Variants in CEP128 observed in about 807,000 individuals in gnomAD.
CEP128 encodes centrosomal protein 128, also known as centrosomal protein 128kDa.
CEP128 carries 132 observed loss-of-function variants against 156.7 expected under a neutral mutation model. The ratio of observed to expected loss-of-function variants is 0.84; its 90% CI spans 0.73 to 0.97. CEP128 has a LOEUF of 0.97. Among genes scored for constraint, CEP128 ranks in the 50% least tolerant of loss-of-function variants. The pLI, the probability that CEP128 is intolerant of heterozygous loss-of-function variation, is 0.00. For synonymous variants in CEP128, 469 were observed against 448.9 expected (o/e 1.04, Z -0.57); for missense variants, 1,252 against 1,281.9 (o/e 0.98, Z 0.36).
chr14:80,730,122 A>AT (rs1898207808), intron 19 of CEP128, among the ~76,000 whole-genome samples: 1 of 152,180 alleles, frequency 6.6e-6, no homozygotes, highest in Admixed American at 6.5e-5. Flanking sequence ...TGAGCTTACA[A>AT]TTGCACCTTA....
At position 80,838,253 on chromosome 14, in the gene CEP128, CGA is replaced by C. The variant is rs756433332; in HGVS notation, c.873_874del (p.Arg292LysfsTer30). 6.2e-7 allele frequency: 1 copy of C among 1,613,322 alleles called. No individual in the cohort carries two copies. Among genetic ancestry groups the C allele is most frequent in the Admixed American group, 1.7e-5 (1 of 59,998 alleles). ...GCCTTCTGATTGATTCAATAACCTT[CGA>C]GATAGCTCCAATTCCTGTTCAAGCT... On this transcript the variant is annotated frameshift_variant, in exon 11 of 25. Transcript: ENST00000555265. LOFTEE classifies it high-confidence loss of function.
In CEP128 at chr14:80,736,515, C is replaced by A. The variant is rs549783269; in HGVS notation, c.2806+6560G>T. On this transcript the variant is annotated intron_variant, in intron 19 of 24. Coordinates refer to ENST00000555265, the MANE Select transcript of CEP128 (RefSeq NM_152446.5). Reference sequence around the variant, plus strand: ...TCCAGAATATATTTCAGAATACACACACATACACACACACACACACACTGT... The same window carrying A: ...TCCAGAATATATTTCAGAATACACAAACATACACACACACACACACACTGT... Among the ~76,000 whole-genome samples the A allele has an allele frequency of 4.0e-5, 6 of 151,274 alleles. No homozygotes were observed. In the South Asian group the frequency reaches 1.3e-3, roughly 34 times the overall value.
At chr14:80,481,455 T>C (rs1273369319) in intron 14 of CEP128, among the ~76,000 whole-genome samples, 1 of 152,180 alleles carries the variant, frequency 6.6e-6, no homozygotes, top group Non-Finnish European at 1.5e-5. Flanking sequence ...AAGATTTCAG[T>C]GGGGACACAG....
intron 19 of CEP128, among the ~76,000 whole-genome samples, chr14:80,702,453 C>T (rs948373266): frequency 6.6e-6 from 1 of 152,162 alleles, no homozygotes; most frequent in Non-Finnish European, 1.5e-5. Flanking sequence ...TTCCCAGTTT[C>T]CCAGTTCAGG....
chr14:80,795,827 A>G (rs1002831287), intron 13 of CEP128, among the ~76,000 whole-genome samples: 1 of 152,214 alleles, frequency 6.6e-6, no homozygotes, highest in Non-Finnish European at 1.5e-5. Flanking sequence ...ACCAATGGTC[A>G]GTTTCTTCTC....
intron 16 of CEP128, among the ~76,000 whole-genome samples, chr14:80,768,632 C>T (rs542085238): frequency 1.2e-4 from 18 of 152,156 alleles, no homozygotes; most frequent in Non-Finnish European, 1.6e-4. Flanking sequence ...AATAGAAAAA[C>T]GGGATGGCAT....
Position 80,792,300 on chromosome 14 carries a change from C to G in CEP128, c.1560+460G>C, listed in dbSNP as rs114272589. Among the ~76,000 whole-genome samples, 930 of 152,342 alleles carry G rather than the reference C, an allele frequency of 6.1e-3. 19 individuals carry two copies. Among genetic ancestry groups the G allele is most frequent in the African/African-American group, 0.022 (894 of 41,578 alleles). On this transcript the variant is annotated intron_variant, in intron 14 of 24. Coordinates refer to ENST00000555265, the MANE Select transcript of CEP128 (RefSeq NM_152446.5). ...CATTTAAGTAAGCCCATCACAGTTG[C>G]TGCCAGTAAATGGCCCTAGTAACTA...
intron 16 of CEP128, among the ~76,000 whole-genome samples, chr14:80,764,696 T>C (rs1195128735): frequency 6.6e-6 from 1 of 152,130 alleles, no homozygotes; most frequent in African/African-American, 2.4e-5. Context: ...TTTTTGACAG[T>C]TGAGTCATCC....
At chr14:80,885,307 C>T (rs1032311316) in intron 8 of CEP128, among the ~76,000 whole-genome samples, 1 of 152,204 alleles carries the variant, frequency 6.6e-6, no homozygotes, top group East Asian at 1.9e-4. Flanking sequence ...CAAGTGGATG[C>T]CTGACCCCCG....
At position 80,496,518 on chromosome 14, in the gene CEP128, G is replaced by C. The variant is rs1457983446; in HGVS notation, c.*961C>G. 6.6e-6 allele frequency: 1 copy of C among 152,584 alleles called. No homozygotes were observed. Among genetic ancestry groups the C allele is most frequent in the African/African-American group, 2.4e-5 (1 of 41,436 alleles). 9.5% of individuals were successfully genotyped at this position (152,584 alleles called of 1,614,324 possible). On this transcript the variant is annotated 3_prime_UTR_variant, in exon 25 of 25. Coordinates refer to ENST00000555265, the MANE Select transcript of CEP128 (RefSeq NM_152446.5). ...GTATTGCTTTATTGCCCTTGTCTAT[G>C]CAGAATCCATGACCCAATAGGATTC...
intron 13 of CEP128, among the ~76,000 whole-genome samples, chr14:80,800,547 T>C (rs1427444491): frequency 6.6e-6 from 1 of 152,194 alleles, no homozygotes; most frequent in African/African-American, 2.4e-5. Context: ...TTCACTATGA[T>C]AATGATTTGG....
intron 19 of CEP128, among the ~76,000 whole-genome samples, chr14:80,630,638 G>A (rs539656132): frequency 6.6e-6 from 1 of 152,030 alleles, no homozygotes; most frequent in East Asian, 1.9e-4. Flanking sequence ...AATTGTATAG[G>A]CAAAAAAACT....
chr14:80,651,357 C>CA (rs1566834576), intron 19 of CEP128, among the ~76,000 whole-genome samples: 2 of 151,978 alleles, frequency 1.3e-5, no homozygotes, highest in African/African-American at 4.8e-5. Flanking sequence ...GTGATCTTTT[C>CA]AAAAAACCAG....
intron 19 of CEP128, among the ~76,000 whole-genome samples, chr14:80,706,422 CGT>C (rs577805763): frequency 1.3e-4 from 19 of 150,276 alleles, no homozygotes; most frequent in Admixed American, 2.7e-4. Flanking sequence ...TACTTGTACT[CGT>C]GTGTGTGTGT....
In CEP128 at chr14:80,840,713, T is replaced by A. The variant is rs894898114; in HGVS notation, c.818A>T (p.Lys273Met). 6.2e-7 allele frequency: 1 copy of A among 1,611,004 alleles called. No homozygotes were observed. Among genetic ancestry groups the A allele is most frequent in the Non-Finnish European group, 8.5e-7 (1 of 1,177,892 alleles). ...ADEHEGAIKN[K>M]LRQTETEKNQ... ...CTTCTCAGTTTCAGTTTGTCTTAGC[T>A]TATTTTTTATTGCCCCCTCATGCTC... Residue 273 changes from lysine to methionine, a missense_variant, in exon 10 of 25, where the codon AAG (lysine) becomes ATG (methionine). Lys to Met is a moderately conservative substitution (Grantham distance 95). Transcript: ENST00000555265.
chr14:80,661,611 C>CAAT (rs1210759015), intron 19 of CEP128, among the ~76,000 whole-genome samples: 1 of 152,096 alleles, frequency 6.6e-6, no homozygotes, highest in African/African-American at 2.4e-5. Context: ...TACCTGTATA[C>CAAT]AATATAAATA....
chr14:80,481,010 T>C (rs1465349385), intron 14 of CEP128, among the ~76,000 whole-genome samples: 1 of 152,100 alleles, frequency 6.6e-6, no homozygotes, highest in Non-Finnish European at 1.5e-5. Context: ...TTTTCCTGTT[T>C]CCTTCTGAGC....
intron 19 of CEP128, among the ~76,000 whole-genome samples, chr14:80,601,517 C>T (rs1335019641): frequency 6.6e-6 from 1 of 152,080 alleles, no homozygotes; most frequent in Non-Finnish European, 1.5e-5. Flanking sequence ...CAAAGATGTC[C>T]TGGGCCACAG....
chr14:80,588,809 A>C (rs992371726), intron 19 of CEP128, among the ~76,000 whole-genome samples: 2 of 152,050 alleles, frequency 1.3e-5, no homozygotes. Context: ...TGAGCTTTTA[A>C]AAAAAGCATG....
Sources: gnomAD v4.1 joint callset for allele counts (sites outside exome capture counted in the v4.1 genomes callset) on GRCh38, gnomAD v4.1.1 for gene constraint, MANE v1.5 for transcripts, NCBI Gene and HGNC (gene_info 2026-07-23, HGNC 2026-07-21) for gene names.